Variants in RGS7 observed in about 807,000 individuals in gnomAD.
RGS7 encodes the protein regulator of G-protein signaling 7.
In RGS7, 27 loss-of-function variants were observed where a neutral mutation model predicts 81.1. That is an observed-to-expected ratio of 0.33 (90% confidence interval 0.25 to 0.46). The LOEUF (loss-of-function observed/expected upper bound fraction) is 0.46, where lower values mean the gene tolerates loss of function less well. Among genes scored for constraint, RGS7 ranks in the 20% least tolerant of loss-of-function variants. The pLI, the probability that RGS7 is intolerant of heterozygous loss-of-function variation, is 1.00. For missense variants in RGS7, 396 were observed against 607.4 expected (o/e 0.65, Z 3.66); for synonymous variants, 208 against 207.7 (o/e 1.00, Z -0.01).
intron 6 of RGS7, among the ~76,000 whole-genome samples, chr1:240,930,455 C>A (rs935989495): frequency 6.6e-6 from 1 of 151,790 alleles, no homozygotes; most frequent in African/African-American, 2.4e-5. Context: ...AACAATAACC[C>A]CTTTAAGCTT....
In RGS7 at chr1:241,189,361, T is replaced by C. The variant is rs547951597; in HGVS notation, c.79-90599A>G. Among the ~76,000 whole-genome samples the C allele has an allele frequency of 3.9e-5, 6 of 152,334 alleles. No individual in the cohort carries two copies. In the South Asian group the frequency reaches 8.3e-4, roughly 21 times the overall value. ...ATTTATATCTTTGCCCTTGGTCTAA[T>C]TGTTTGCATTCTTACTGTTGTGTTA... On this transcript the variant is annotated intron_variant, in intron 2 of 18. Transcript: ENST00000440928.
At chr1:241,094,597 C>A (rs1294041094) in intron 3 of RGS7, among the ~76,000 whole-genome samples, 1 of 137,636 alleles carries the variant, frequency 7.3e-6, no homozygotes, top group Non-Finnish European at 1.5e-5. Context: ...TTGAAATCAA[C>A]AACTCTAAAA....
chr1:240,944,739 G>T (rs1678304302), intron 4 of RGS7, among the ~76,000 whole-genome samples: 1 of 152,138 alleles, frequency 6.6e-6, no homozygotes, highest in South Asian at 2.1e-4. Flanking sequence ...TTTTGAGATG[G>T]AGTCTCACTT....
At chr1:241,151,772 C>A (rs150532489) in intron 2 of RGS7, among the ~76,000 whole-genome samples, 1 of 151,872 alleles carries the variant, frequency 6.6e-6, no homozygotes, top group Non-Finnish European at 1.5e-5. Flanking sequence ...AGAAGACACA[C>A]TATAGGATAA....
At chr1:241,026,998 C>G (rs978040840) in intron 3 of RGS7, among the ~76,000 whole-genome samples, 7 of 150,580 alleles carry the variant, frequency 4.6e-5, no homozygotes, top group Admixed American at 2.7e-4. Flanking sequence ...AAGGTTCCAG[C>G]CTCAGCAACA....
chr1:240,871,835 T>G (rs1349399548), intron 6 of RGS7, among the ~76,000 whole-genome samples: 3 of 152,208 alleles, frequency 2.0e-5, no homozygotes, highest in Non-Finnish European at 1.5e-5. Context: ...AGCTTTCCTG[T>G]GGAATTACCT....
chr1:241,336,218 G>T (rs542044591), intron 2 of RGS7, among the ~76,000 whole-genome samples: 1 of 152,276 alleles, frequency 6.6e-6, no homozygotes, highest in South Asian at 2.1e-4. Flanking sequence ...GTAGAACTAA[G>T]AAAGGAAATG....
intron 2 of RGS7, among the ~76,000 whole-genome samples, chr1:241,312,075 T>C (rs1162259638): frequency 2.6e-5 from 4 of 152,242 alleles, no homozygotes; most frequent in Non-Finnish European, 4.4e-5. Flanking sequence ...GAAATTAAGA[T>C]CAATAACCAG....
intron 2 of RGS7, among the ~76,000 whole-genome samples, chr1:241,152,892 GTTAT>G (rs577693700): frequency 8.9e-4 from 135 of 152,274 alleles, no homozygotes; most frequent in African/African-American, 3.2e-3. Flanking sequence ...AGATTCAGGG[GTTAT>G]TTGTTACTAC....
intron 6 of RGS7, among the ~76,000 whole-genome samples, chr1:240,905,208 G>GA (rs201183132): frequency 0.025 from 3,760 of 151,222 alleles, 61 homozygotes; most frequent in Non-Finnish European, 0.034. Context: ...TAGGAAGTCA[G>GA]AAAAAAAAAT....
At chr1:241,175,335 G>C (rs944746060) in intron 2 of RGS7, among the ~76,000 whole-genome samples, 1 of 152,170 alleles carries the variant, frequency 6.6e-6, no homozygotes, top group African/African-American at 2.4e-5. Flanking sequence ...TCAGTGGTGG[G>C]AGATGAGTTC....
intron 4 of RGS7, among the ~76,000 whole-genome samples, chr1:240,955,407 C>A (rs1322381166): frequency 6.6e-6 from 1 of 151,892 alleles, no homozygotes; most frequent in Non-Finnish European, 1.5e-5. Context: ...AAAAAATTAG[C>A]CAGACATGGT....
At chr1:240,841,383 G>A (rs925237151) in intron 9 of RGS7, among the ~76,000 whole-genome samples, 1 of 152,086 alleles carries the variant, frequency 6.6e-6, no homozygotes, top group African/African-American at 2.4e-5. Context: ...TTCTTTACCC[G>A]GGTGTGCAAT....
rs12071711 is a variant in RGS7 at position 241,000,946 on chromosome 1, C to T, written c.176-17817G>A. 7.8e-3 allele frequency among the ~76,000 whole-genome samples: 1,189 copies of T among 152,004 alleles called. 15 individuals are homozygous for T. The highest frequency in any genetic ancestry group is 0.028 in the African/African-American group (1,144 of 41,404). ...TGTTGGGGTTACAGGTGTGAGCCAC[C>T]GTGCCTGACTAGTTCCTCATTTTCA... is the stretch of plus-strand genomic sequence containing the variant. On this transcript the variant is annotated intron_variant, in intron 3 of 18. Transcript: ENST00000440928.
Position 241,273,028 on chromosome 1 carries a change from A to G in RGS7, c.78+82671T>C, listed in dbSNP as rs534375850. Among the ~76,000 whole-genome samples, 21 of 152,184 alleles carry G rather than the reference A, an allele frequency of 1.4e-4. No individual in the cohort carries two copies. In the South Asian group the frequency reaches 4.1e-3, roughly 30 times the overall value. On this transcript the variant is annotated intron_variant, in intron 2 of 18. Coordinates refer to ENST00000440928, the MANE Select transcript of RGS7 (RefSeq NM_001364886.1). ...TGTCTGTGTGTGTGTAATCTGTCCAATAATTCCATCTGGTCCATTCCTTGG... is the reference window on the plus strand; with the variant it reads ...TGTCTGTGTGTGTGTAATCTGTCCAGTAATTCCATCTGGTCCATTCCTTGG...
chr1:241,274,283 T>G (rs1385320253), intron 2 of RGS7, among the ~76,000 whole-genome samples: 2 of 152,214 alleles, frequency 1.3e-5, no homozygotes, highest in African/African-American at 2.4e-5. Context: ...TCAATAAATT[T>G]TTTGTTGGAT....
At chr1:240,968,002 A>G (rs61062329) in intron 4 of RGS7, among the ~76,000 whole-genome samples, 54,643 of 151,634 alleles carry the variant, frequency 0.36, 10,118 homozygotes, top group Middle Eastern at 0.43. Context: ...ACCAATATCC[A>G]TATCCAAACA....
intron 2 of RGS7, among the ~76,000 whole-genome samples, chr1:241,135,500 T>A (rs1300504780): frequency 6.6e-6 from 1 of 152,006 alleles, no homozygotes; most frequent in Non-Finnish European, 1.5e-5. Context: ...GGCGTGCTCT[T>A]GGGTTCGAGC....
At chr1:241,074,487 C>A (rs992216554) in intron 3 of RGS7, among the ~76,000 whole-genome samples, 1 of 152,200 alleles carries the variant, frequency 6.6e-6, no homozygotes, top group Non-Finnish European at 1.5e-5. Context: ...AGCTGCAAAG[C>A]TTCAGGTACA....
Sources: allele counts gnomAD v4.1 joint callset (sites outside exome capture counted in the v4.1 genomes callset), GRCh38; gene constraint gnomAD v4.1.1; transcripts MANE v1.5; gene names NCBI Gene and HGNC (gene_info 2026-07-23, HGNC 2026-07-21).